Variants in ANTXRL observed in about 807,000 individuals in gnomAD.
ANTXRL encodes anthrax toxin receptor-like.
In ANTXRL, 63 loss-of-function variants were observed where a neutral mutation model predicts 75.4. That is an observed-to-expected ratio of 0.84 (90% confidence interval 0.68 to 1.03). The LOEUF is 1.03. ANTXRL is among the 50% of genes least tolerant of loss of function. The pLI, the probability that ANTXRL is intolerant of heterozygous loss-of-function variation, is 0.00. For missense variants in ANTXRL, 797 were observed against 789.4 expected (o/e 1.01, Z -0.12); for synonymous variants, 335 against 291.3 (o/e 1.15, Z -1.53).
At chr10:46,322,117 C>A (rs1467040599) in intron 16 of ANTXRL, among the ~76,000 whole-genome samples, 1 of 151,886 alleles carries the variant, frequency 6.6e-6, no homozygotes, top group Non-Finnish European at 1.5e-5. Context: ...ATCAGCTTTC[C>A]CACATGGGAA....
intron 1 of ANTXRL, among the ~76,000 whole-genome samples, 155 bp from the exon 2 acceptor site, chr10:46,291,903 A>T (rs1554956569): frequency 6.6e-6 from 1 of 152,046 alleles, no homozygotes; most frequent in Non-Finnish European, 1.5e-5. Flanking sequence ...ATGACCTCGG[A>T]TGATCCAGTG....
In ANTXRL at chr10:46,297,926, G is replaced by A; in HGVS notation, c.735+15G>A. 6.5e-7 allele frequency: 1 copy of A among 1,535,882 alleles called. No individual in the cohort carries two copies. The highest frequency in any genetic ancestry group is 8.7e-7 in the Non-Finnish European group (1 of 1,146,732). ...CCATTGATGCCGTGAGTGGGCAGAG[G>A]TGAGGGGCTGGGGACCTGGATCCTT... On this transcript the variant is annotated intron_variant, in intron 8 of 16. Coordinates refer to ENST00000620264, the MANE Select transcript of ANTXRL (RefSeq NM_001278688.3).
chr10:46,297,419 G>A lies in ANTXRL; in HGVS notation c.599G>A (p.Arg200Gln), dbSNP rs1286186287. The change falls in exon 7 of 17, where the codon CGG becomes CAG. Residue 200 changes from arginine (R) to glutamine (Q), a missense_variant. Transcript: ENST00000620264. Reference sequence around the variant, plus strand: ...TCTTTCCCTTAGGCTCAAAAGGCTCGGAAACTGGGGGCCAACGTTTACACC... The same window carrying A: ...TCTTTCCCTTAGGCTCAAAAGGCTCAGAAACTGGGGGCCAACGTTTACACC... ...QDTLREAQKARKLGANVYTLG... is the reference protein window; with the variant it reads ...QDTLREAQKAQKLGANVYTLG... The A allele has an allele frequency of 1.5e-5, 23 of 1,535,764 alleles. No homozygotes were observed. The Admixed American group carries it at 2.4e-4, about 16-fold the overall frequency.
intron 12 of ANTXRL, 123 bp from the exon 13 acceptor site, chr10:46,308,990 C>T (rs1253362169): frequency 2.2e-6 from 3 of 1,366,754 alleles, no homozygotes; most frequent in Admixed American, 2.2e-5. Context: ...CCGCTGGCCC[C>T]ACTGTAGTAC....
intron 7 of ANTXRL, 23 bp downstream of exon 7, chr10:46,297,497 G>T (rs1554959182): frequency 6.5e-7 from 1 of 1,534,444 alleles, no homozygotes; most frequent in South Asian, 1.2e-5. Flanking sequence ...AGGTAACCAG[G>T]CGCCACTTTC....
chr10:46,317,415 G>C (rs1334397043), intron 16 of ANTXRL, among the ~76,000 whole-genome samples: 1 of 152,162 alleles, frequency 6.6e-6, no homozygotes, highest in African/African-American at 2.4e-5. Flanking sequence ...ACTCATGTTT[G>C]CTGGGATAGT....
At chr10:46,307,216 C>T (rs879962251) in intron 11 of ANTXRL, among the ~76,000 whole-genome samples, 186 bp from the exon 12 acceptor site, 14 of 152,156 alleles carry the variant, frequency 9.2e-5, no homozygotes, top group South Asian at 2.1e-4. Flanking sequence ...TCATTTAGGA[C>T]GCGGTCACAA....
At chr10:46,297,732 GC>G in intron 7 of ANTXRL, 98 bp from the exon 8 acceptor site, 5 of 1,108,268 alleles carry the variant, frequency 4.5e-6, no homozygotes, top group South Asian at 1.4e-5. Flanking sequence ...ACATTCTGCT[GC>G]CCCCAAAGCA....
chr10:46,297,567 G>T (rs1310631177), intron 7 of ANTXRL, 93 bp downstream of exon 7: 9 of 1,325,618 alleles, frequency 6.8e-6, no homozygotes, highest in Non-Finnish European at 9.3e-6. Context: ...GGTTGTCTAA[G>T]CTGCCCCAAG....
At chr10:46,290,754 C>T (rs1554956240) in intron 1 of ANTXRL, among the ~76,000 whole-genome samples, 3 of 151,642 alleles carry the variant, frequency 2.0e-5, no homozygotes, top group Admixed American at 2.0e-4. Flanking sequence ...CTATTCAAAT[C>T]CTTTGCCCAT....
intron 16 of ANTXRL, among the ~76,000 whole-genome samples, chr10:46,324,361 A>G (rs1316260433): frequency 6.6e-6 from 1 of 152,206 alleles, no homozygotes; most frequent in Non-Finnish European, 1.5e-5. Context: ...ATTACCATGA[A>G]CCACTTTAAA....
At chr10:46,287,548 C>A in intron 1 of ANTXRL, 38 bp downstream of exon 1, 1 of 1,511,930 alleles carries the variant, frequency 6.6e-7, no homozygotes, top group South Asian at 1.2e-5. Flanking sequence ...GGGTCACCCT[C>A]AGGAGCCACT....
At chr10:46,301,947 C>T (rs1280107197) in intron 9 of ANTXRL, among the ~76,000 whole-genome samples, 1 of 152,198 alleles carries the variant, frequency 6.6e-6, no homozygotes, top group Non-Finnish European at 1.5e-5. Context: ...CTCCTGGGTC[C>T]AGCCGTCACC....
intron 9 of ANTXRL, 127 bp from the exon 10 acceptor site, chr10:46,302,595 A>G (rs1837820900): frequency 1.5e-6 from 1 of 668,456 alleles, no homozygotes; most frequent in Admixed American, 2.5e-5. Context: ...TGGTTCAGAC[A>G]CAGCTCTTTC....
Position 46,296,208 on chromosome 10 carries a change from T to C in ANTXRL, c.475-11T>C, listed in dbSNP as rs1174140677. 1.3e-6 allele frequency: 2 copies of C among 1,535,738 alleles called. No individual in the cohort carries two copies. Among genetic ancestry groups the C allele is most frequent in the African/African-American group, 2.7e-5 (2 of 72,986 alleles). ...ACTGTCCAGGCTCAATATTTCTTCA[T>C]TTTCTTGCAGGCAATTCAACAGATC... On this transcript the variant is annotated splice_polypyrimidine_tract_variant and intron_variant, in intron 4 of 16. Transcript: ENST00000620264.
chr10:46,294,836 A>AG (rs34188277), intron 3 of ANTXRL, among the ~76,000 whole-genome samples: 60,869 of 151,536 alleles, frequency 0.4, 11,951 homozygotes, highest in Non-Finnish European at 0.47. Flanking sequence ...TGGGCTGGGC[A>AG]GGCAGGGCTC....
chr10:46,291,599 A>G (rs1836987004), intron 1 of ANTXRL, among the ~76,000 whole-genome samples: 1 of 152,110 alleles, frequency 6.6e-6, no homozygotes, highest in Non-Finnish European at 1.5e-5. Context: ...AATGTTCTAT[A>G]GTTTTCAGTA....
Position 46,329,645 on chromosome 10 carries a change from C to A in ANTXRL, c.1457C>A (p.Ala486Asp), listed in dbSNP as rs781783959. The change falls in exon 17 of 17, where the codon GCT becomes GAT. Residue 486 changes from alanine (A) to aspartate (D), a missense_variant. Coordinates refer to ENST00000620264, the MANE Select transcript of ANTXRL (RefSeq NM_001278688.3). The stretch of plus-strand genomic sequence containing the variant: ...CTTGCACAGTCCCAATATGCACAGG[C>A]TCCCTGCTGCCCAAGGATCTGCTTT... ...LALAQSQYAQAPCCPRICFPH... is the reference protein window; with the variant it reads ...LALAQSQYAQDPCCPRICFPH... The A allele has an allele frequency of 6.5e-7, 1 of 1,536,364 alleles. No individual in the cohort carries two copies. The highest frequency in any genetic ancestry group is 8.7e-7 in the Non-Finnish European group (1 of 1,146,852).
intron 12 of ANTXRL, among the ~76,000 whole-genome samples, chr10:46,307,830 G>T (rs1838184926): frequency 6.6e-6 from 1 of 152,118 alleles, no homozygotes; most frequent in Non-Finnish European, 1.5e-5. Context: ...CTGCCTGGTG[G>T]TCACTTGCTG....
Sources: allele counts gnomAD v4.1 joint callset (sites outside exome capture counted in the v4.1 genomes callset), GRCh38; gene constraint gnomAD v4.1.1; transcripts MANE v1.5; gene names NCBI Gene and HGNC (gene_info 2026-07-23, HGNC 2026-07-21).